The following SDC1 variants were observed in gnomAD, a reference collection of about 807,000 sequenced individuals.
The protein encoded by SDC1 is syndecan 1.
A neutral mutation model predicts 29.7 loss-of-function variants in SDC1; 14 were observed. That is an observed-to-expected ratio of 0.47 (90% CI 0.31 to 0.74). The LOEUF is 0.74. Among genes scored for constraint, SDC1 ranks in the 30% least tolerant of loss-of-function variants. The pLI, the probability that SDC1 is intolerant of heterozygous loss-of-function variation, is 0.05. For synonymous variants in SDC1, 204 were observed against 175.5 expected (o/e 1.16, Z -1.29); for missense variants, 406 against 400.3 (o/e 1.01, Z -0.12).
At chr2:20,205,690 A>G (rs1016506858) in intron 1 of SDC1, among the ~76,000 whole-genome samples, 4 of 152,156 alleles carry the variant, frequency 2.6e-5, no homozygotes, top group East Asian at 3.9e-4. Flanking sequence ...CACCCTGAGA[A>G]GCTCAGTCTG....
Position 20,203,189 on chromosome 2 carries a change from C to G in SDC1, c.661G>C (p.Ala221Pro). The change falls in exon 4 of 5, where the codon GCT (alanine) becomes CCT (proline). Residue 221 changes from alanine to proline, a missense_variant. Ala to Pro is a conservative substitution (Grantham distance 27, BLOSUM62 -1). Transcript: ENST00000254351. ...CGGTCAGGCTCCACGGCCACTACAG[C>G]CGTATTCTCCCCCGAGGTTTCAAAG... ...FTFETSGENT[A>P]VVAVEPDRRN... 2 of 1,611,908 alleles carry G rather than the reference C, an allele frequency of 1.2e-6. No individual in the cohort carries two copies. Among genetic ancestry groups the G allele is most frequent in the Non-Finnish European group, 8.5e-7 (1 of 1,178,660 alleles).
chr2:20,208,142 C>A, intron 1 of SDC1: 1 of 985,192 alleles, frequency 1.0e-6, no homozygotes, highest in Non-Finnish European at 1.2e-6. Flanking sequence ...AACCGAAGCC[C>A]ACAGGGAAGA....
intron 3 of SDC1, 143 bp from the exon 4 acceptor site, chr2:20,203,365 G>C: frequency 1.1e-6 from 1 of 935,714 alleles, no homozygotes; most frequent in Admixed American, 3.0e-5. Flanking sequence ...GGATCGCACA[G>C]GGCCCGAAAG....
intron 1 of SDC1, among the ~76,000 whole-genome samples, chr2:20,211,138 C>A (rs1677452606): frequency 6.6e-6 from 1 of 152,154 alleles, no homozygotes; most frequent in East Asian, 1.9e-4. Flanking sequence ...AGACTGGGGG[C>A]TCTCAGCTTC....
chr2:20,224,030 C>T lies in SDC1; in HGVS notation c.66+772G>A, dbSNP rs1358092047. Among the ~76,000 whole-genome samples, 7 of 152,208 alleles carry T rather than the reference C, an allele frequency of 4.6e-5. No individual in the cohort carries two copies. The highest frequency in any genetic ancestry group is 1.2e-4 in the African/African-American group (5 of 41,460). ...GGAGCGGGAGGCCATTCCCGGGTCC[C>T]CTCGCGTGGAAGGCGCCTGCGCCTC... On this transcript the variant is annotated intron_variant, in intron 1 of 4. Transcript: ENST00000254351. The surrounding 1 kb of genome is among the most constrained non-coding windows in gnomAD (Gnocchi z 4.9).
In SDC1 at chr2:20,202,645, G is replaced by A. The variant is rs1677058145; in HGVS notation, c.*121C>T. 4 of 969,350 alleles carry A rather than the reference G, an allele frequency of 4.1e-6. No homozygotes were observed. Among genetic ancestry groups the A allele is most frequent in the Non-Finnish European group, 6.2e-6 (4 of 642,110 alleles). The allele number at this position is 969,350 out of a possible 1,614,324, so 60.0% of individuals were successfully genotyped here. A position where few individuals can be genotyped will look rare whatever the true frequency, so the allele number is the denominator to read the frequency against. On this transcript the variant is annotated 3_prime_UTR_variant, in exon 5 of 5. Coordinates refer to ENST00000254351, the MANE Select transcript of SDC1 (RefSeq NM_002997.5). Reference sequence around the variant, plus strand: ...GACTCCGTGGGCAGGAGCGACCAGAGGGGCTGGAATGCTGGGGAGGTGGCC... The same window carrying A: ...GACTCCGTGGGCAGGAGCGACCAGAAGGGCTGGAATGCTGGGGAGGTGGCC...
chr2:20,224,330 G>GC lies in SDC1; in HGVS notation c.66+471dup, dbSNP rs1243527518. The GC allele has an allele frequency of 6.5e-6, 1 of 154,700 alleles. No homozygotes were observed. The highest frequency in any genetic ancestry group is 1.4e-5 in the Non-Finnish European group (1 of 70,856). The allele number at this position is 154,700 out of a possible 1,614,324, so 9.6% of individuals were successfully genotyped here. On this transcript the variant is annotated intron_variant, in intron 1 of 4. Coordinates refer to ENST00000254351, the MANE Select transcript of SDC1 (RefSeq NM_002997.5). This position sits in a 1 kb window ranked among gnomAD's most constrained non-coding sequence, Gnocchi z 4.9. Reference sequence around the variant, plus strand: ...GCGCTGCGCCCAAACTTGCCCTGGCGCAAGGGGCGGGGCGCCCGGGCTCGG... The same window carrying GC: ...GCGCTGCGCCCAAACTTGCCCTGGCGCCAAGGGGCGGGGCGCCCGGGCTCGG...
Position 20,203,118 on chromosome 2 carries a change from C to A in SDC1, c.732G>T (p.Gln244His), listed in dbSNP as rs1006285002. The part of the protein sequence containing the change: ...PVDQGATGAS[Q>H]GLLDRKEVLG... ...GCACCTCTTTCCTGTCCAGGAGGCC[C>A]TGTGAGGCCCCCGTGGCCCCCTGAT... Residue 244 changes from glutamine (Q) to histidine (H), a missense_variant, in exon 4 of 5, where the codon CAG becomes CAT. By Grantham distance (24) the Gln-to-His change is conservative. Transcript: ENST00000254351. 11 of 1,611,820 alleles carry A rather than the reference C, an allele frequency of 6.8e-6. No homozygotes were observed. The highest frequency in any genetic ancestry group is 9.3e-6 in the Non-Finnish European group (11 of 1,178,602).
intron 1 of SDC1, among the ~76,000 whole-genome samples, chr2:20,210,388 G>A (rs1345786749): frequency 2.0e-5 from 3 of 152,126 alleles, no homozygotes; most frequent in South Asian, 2.1e-4. Flanking sequence ...CCAGGTGTCC[G>A]GCTCCAGGGG....
intron 1 of SDC1, among the ~76,000 whole-genome samples, chr2:20,207,070 G>A (rs1322667336): frequency 6.6e-6 from 1 of 152,262 alleles, no homozygotes; most frequent in Non-Finnish European, 1.5e-5. Flanking sequence ...GCCTTGCCAG[G>A]CCCTGGCCAC....
intron 1 of SDC1, among the ~76,000 whole-genome samples, chr2:20,212,672 G>A (rs570398332): frequency 1.1e-4 from 16 of 152,276 alleles, no homozygotes; most frequent in East Asian, 1.9e-4. Flanking sequence ...AAGGCAAGCC[G>A]GGGCCTGCCG....
At chr2:20,220,825 A>G (rs1243164217) in intron 1 of SDC1, among the ~76,000 whole-genome samples, 3 of 152,224 alleles carry the variant, frequency 2.0e-5, no homozygotes, top group Non-Finnish European at 4.4e-5. Flanking sequence ...ATGGATGCAC[A>G]TTATATAGAA....
intron 1 of SDC1, among the ~76,000 whole-genome samples, chr2:20,217,447 C>T (rs1427498170): frequency 6.6e-6 from 1 of 152,152 alleles, no homozygotes; most frequent in African/African-American, 2.4e-5. Context: ...CCCCAGATAC[C>T]CACCAGTCAC....
At chr2:20,219,037 G>A (rs897516451) in intron 1 of SDC1, among the ~76,000 whole-genome samples, 42 of 152,206 alleles carry the variant, frequency 2.8e-4, no homozygotes, top group South Asian at 2.1e-4. Context: ...GGGAAGCCCC[G>A]AGCGCAGCAG....
chr2:20,206,288 A>G (rs949409362), intron 1 of SDC1, among the ~76,000 whole-genome samples: 2 of 152,254 alleles, frequency 1.3e-5, no homozygotes, highest in African/African-American at 4.8e-5. Context: ...CCGCCTGCCC[A>G]GCTCCAAGAG....
At chr2:20,220,471 A>G (rs1296172997) in intron 1 of SDC1, among the ~76,000 whole-genome samples, 1 of 152,184 alleles carries the variant, frequency 6.6e-6, no homozygotes, top group African/African-American at 2.4e-5. Context: ...GCAATGATAT[A>G]TATTGTAAAG....
At chr2:20,215,086 C>T (rs1472364063) in intron 1 of SDC1, among the ~76,000 whole-genome samples, 1 of 152,248 alleles carries the variant, frequency 6.6e-6, no homozygotes, top group Non-Finnish European at 1.5e-5. Flanking sequence ...ACAGGGCTCT[C>T]TCACTCTCAG....
At chr2:20,214,569 C>T (rs1226988186) in intron 1 of SDC1, among the ~76,000 whole-genome samples, 1 of 152,212 alleles carries the variant, frequency 6.6e-6, no homozygotes. Context: ...ACCCCCAGCA[C>T]AGAGCTCCTA....
At chr2:20,220,674 G>C (rs1159149380) in intron 1 of SDC1, among the ~76,000 whole-genome samples, 1 of 152,224 alleles carries the variant, frequency 6.6e-6, no homozygotes, top group Non-Finnish European at 1.5e-5. Flanking sequence ...CAGGTATCAT[G>C]ATGTCCGCTT....
Sources: allele counts gnomAD v4.1 joint callset (sites outside exome capture counted in the v4.1 genomes callset), GRCh38; gene constraint gnomAD v4.1.1; non-coding constraint Gnocchi (gnomAD v3.1); transcripts MANE v1.5; gene names NCBI Gene and HGNC (gene_info 2026-07-23, HGNC 2026-07-21).